The following COL4A1 variants were observed in gnomAD, a reference collection of about 807,000 sequenced individuals.
COL4A1 encodes collagen alpha-1(IV) chain.
In COL4A1, 40 loss-of-function variants were observed where a neutral mutation model predicts 216.6. The observed-to-expected ratio is 0.18, with a 90% CI of 0.14 to 0.24. The LOEUF is 0.24. Among genes scored for constraint, COL4A1 ranks in the 10% least tolerant of loss-of-function variants. COL4A1 has a pLI of 1.00. For missense variants in COL4A1, 1,628 were observed against 2,196.8 expected, an observed-to-expected ratio of 0.74 and a Z score of 5.18; for synonymous variants, 839 against 810.7, an observed-to-expected ratio of 1.03 and a Z score of -0.59.
At chr13:110,201,244 A>T (rs1594575163) in intron 19 of COL4A1, 194 bp downstream of exon 19, 1 of 532,190 alleles carries the variant, frequency 1.9e-6, no homozygotes, top group African/African-American at 2.2e-5. Context: ...AGAGAGAAGG[A>T]GGAGGAGGAG....
In COL4A1 at chr13:110,179,368, G is replaced by A. The variant is rs751932406; in HGVS notation, c.2247C>T (p.Gly749=). 3 of 1,614,132 alleles carry A rather than the reference G, an allele frequency of 1.9e-6. No homozygotes were observed. The highest frequency in any genetic ancestry group is 2.2e-5 in the South Asian group (2 of 91,080). The part of the protein sequence containing the change: ...PGLKGLPGLP[G]IPGTPGEKGS... ...CCTTCTCCCCGGGTGTGCCAGGAATGCCGGGAAGACCTGGCAAACCTTTGA... is the reference window on the plus strand; with the variant it reads ...CCTTCTCCCCGGGTGTGCCAGGAATACCGGGAAGACCTGGCAAACCTTTGA... Residue 749 remains glycine (G), a synonymous_variant, in exon 30 of 52, where the codon GGC becomes GGT. Transcript: ENST00000375820.
At chr13:110,203,782 C>T (rs951350385) in intron 17 of COL4A1, among the ~76,000 whole-genome samples, 175 bp from the exon 18 acceptor site, 1 of 152,148 alleles carries the variant, frequency 6.6e-6, no homozygotes, top group African/African-American at 2.4e-5. Context: ...GAATAGATTT[C>T]ATTTTGCTTT....
chr13:110,281,809 C>T (rs776823615), intron 1 of COL4A1, among the ~76,000 whole-genome samples: 119 of 152,328 alleles, frequency 7.8e-4, no homozygotes, highest in Non-Finnish European at 1.3e-3. Flanking sequence ...TTTTAGTAAA[C>T]TTACTCAACC....
At chr13:110,262,802 T>G (rs540496294) in intron 1 of COL4A1, among the ~76,000 whole-genome samples, 1 of 152,354 alleles carries the variant, frequency 6.6e-6, no homozygotes, top group South Asian at 2.1e-4. Context: ...TGTTCCCCAA[T>G]GGGTCTAAGT....
chr13:110,200,824 T>G, intron 20 of COL4A1, 30 bp downstream of exon 20: 1 of 1,609,904 alleles, frequency 6.2e-7, no homozygotes, highest in South Asian at 1.1e-5. Flanking sequence ...TGTGCAAGTA[T>G]GCTATAACAA....
rs758848476 is a variant in COL4A1 at position 110,174,724 on chromosome 13, G to A, written c.3224C>T (p.Pro1075Leu). ...EKGDQGIAGF[P>L]GSPGEKGEKG... is the part of the protein sequence containing the mutation. ...TTCTCCCTTCTCTCCAGGGCTTCCT[G>A]GGAAACCCGCTATCCCTTGATCTCC... Residue 1075 changes from proline to leucine, a missense_variant, in exon 38 of 52, where the codon CCA becomes CTA. Pro to Leu is a moderately conservative substitution (Grantham distance 98, BLOSUM62 -3). Transcript: ENST00000375820. 9.9e-6 allele frequency: 16 copies of A among 1,613,406 alleles called. No individual in the cohort carries two copies. The South Asian group carries it at 1.8e-4, about 18-fold the overall frequency.
In COL4A1 at chr13:110,307,108, C is replaced by T. The variant is rs1884770240; in HGVS notation, c.-81G>A. 8.4e-7 allele frequency: 1 copy of T among 1,185,702 alleles called. No homozygotes were observed. The highest frequency in any genetic ancestry group is 1.1e-6 in the Non-Finnish European group (1 of 897,166). The allele number at this position is 1,185,702 out of a possible 1,614,324, so 73.4% of individuals were successfully genotyped here. ...GACAGCTAGCTCTCGGAAGGCCGGA[C>T]TTCCAGCGCTACGCACCGTCCCGGG... On this transcript the variant is annotated 5_prime_UTR_variant, in exon 1 of 52. Transcript: ENST00000375820. The surrounding 1 kb of genome is among the most constrained non-coding windows in gnomAD (Gnocchi z 5.0).
At chr13:110,195,456 T>C (rs1476089900) in intron 21 of COL4A1, among the ~76,000 whole-genome samples, 2 of 152,206 alleles carry the variant, frequency 1.3e-5, no homozygotes, top group Admixed American at 6.5e-5. Context: ...ATGAAGAAAC[T>C]GAGGCTCAAG....
chr13:110,150,248 T>C lies in COL4A1; in HGVS notation c.*115A>G. ...TTACGCAAATTCCTATAAGGCACTT[T>C]ACGGTTTTCATATTGGACAGTGAGG... On this transcript the variant is annotated 3_prime_UTR_variant, in exon 52 of 52. Coordinates refer to ENST00000375820, the MANE Select transcript of COL4A1 (RefSeq NM_001845.6). The C allele has an allele frequency of 3.0e-6, 3 of 1,006,464 alleles. No homozygotes were observed. Among genetic ancestry groups the C allele is most frequent in the East Asian group, 2.6e-5 (1 of 38,518 alleles). The allele number at this position is 1,006,464 out of a possible 1,614,324, so 62.3% of individuals were successfully genotyped here. A position where few individuals can be genotyped will look rare whatever the true frequency, so the allele number is the denominator to read the frequency against.
At chr13:110,200,729 G>A in intron 20 of COL4A1, 125 bp downstream of exon 20, 1 of 1,043,710 alleles carries the variant, frequency 9.6e-7, no homozygotes, top group Non-Finnish European at 1.5e-6. Flanking sequence ...CACTAGAAAA[G>A]ATGTCGTAAG....
chr13:110,234,348 C>T (rs1160688923), intron 2 of COL4A1, among the ~76,000 whole-genome samples: 1 of 152,044 alleles, frequency 6.6e-6, no homozygotes, highest in Non-Finnish European at 1.5e-5. Context: ...TTTGGGAGGC[C>T]GAGACAGCAA....
intron 1 of COL4A1, among the ~76,000 whole-genome samples, chr13:110,259,866 G>C (rs1882745066): frequency 6.6e-6 from 1 of 151,798 alleles, no homozygotes; most frequent in African/African-American, 2.4e-5. Context: ...AGGTGGACTA[G>C]TCGGCTGACA....
At chr13:110,170,461 G>T in intron 42 of COL4A1, 86 bp downstream of exon 42, 3 of 1,414,936 alleles carry the variant, frequency 2.1e-6, no homozygotes, top group Non-Finnish European at 2.9e-6. Context: ...AAGCCCAATT[G>T]AGAATTTAAC....
rs1025785421 is a variant in COL4A1, at chr13:110,186,335, T to C, written c.1897+50A>G. The C allele has an allele frequency of 1.4e-5, 22 of 1,610,030 alleles. 1 individual carries two copies. The South Asian group carries it at 2.2e-4, about 16-fold the overall frequency. On this transcript the variant is annotated intron_variant, in intron 26 of 51. Coordinates refer to ENST00000375820, the MANE Select transcript of COL4A1 (RefSeq NM_001845.6). ...CTGTGTGCACCCGAGGTGCCTGCCC[T>C]AACCTCCGTTTACAACTTCATGCTG...
intron 1 of COL4A1, among the ~76,000 whole-genome samples, chr13:110,292,495 T>C (rs1884126881): frequency 6.6e-6 from 1 of 152,206 alleles, no homozygotes; most frequent in Non-Finnish European, 1.5e-5. Flanking sequence ...GCTATAAAGA[T>C]ACTCCTTGAG....
intron 40 of COL4A1, among the ~76,000 whole-genome samples, chr13:110,173,440 C>T (rs1428982079): frequency 6.6e-6 from 1 of 152,034 alleles, no homozygotes; most frequent in Admixed American, 6.5e-5. Context: ...ATCACACCTG[C>T]ACTTTTGTCC....
chr13:110,278,228 T>C (rs2139297171), intron 1 of COL4A1, among the ~76,000 whole-genome samples: 1 of 152,370 alleles, frequency 6.6e-6, no homozygotes, highest in South Asian at 2.1e-4. Context: ...AGGAGTTTTA[T>C]ATTTTCTTCT....
chr13:110,152,545 C>T, intron 50 of COL4A1, 39 bp from the exon 51 acceptor site: 1 of 1,586,812 alleles, frequency 6.3e-7, no homozygotes, highest in Non-Finnish European at 8.5e-7. Flanking sequence ...GAGGTTCCCT[C>T]CCCAAACACC....
intron 2 of COL4A1, 31 bp downstream of exon 2, chr13:110,242,644 A>C (rs1249443879): frequency 6.2e-7 from 1 of 1,609,582 alleles, no homozygotes; most frequent in Admixed American, 1.7e-5. Context: ...ATTCACAAAG[A>C]AATGTTGTGA....
Sources: allele counts gnomAD v4.1 joint callset (sites outside exome capture counted in the v4.1 genomes callset), GRCh38; gene constraint gnomAD v4.1.1; non-coding constraint Gnocchi (gnomAD v3.1); transcripts MANE v1.5; gene names NCBI Gene and HGNC (gene_info 2026-07-23, HGNC 2026-07-21).